Variants in CACNA2D1 observed in about 807,000 individuals in gnomAD.
The protein encoded by CACNA2D1 is calcium voltage-gated channel auxiliary subunit alpha2delta 1.
In CACNA2D1, 53 loss-of-function variants were observed where a neutral mutation model predicts 171.5. The observed-to-expected ratio is 0.31, with a 90% CI of 0.25 to 0.39. The LOEUF (loss-of-function observed/expected upper bound fraction) is 0.39. Among genes scored for constraint, CACNA2D1 ranks in the 10% least tolerant of loss-of-function variants. The pLI, the probability that CACNA2D1 is intolerant of heterozygous loss-of-function variation, is 1.00. For synonymous variants in CACNA2D1, 442 were observed against 443.1 expected (o/e 1.00, Z 0.03); for missense variants, 903 against 1,299.8 (o/e 0.69, Z 4.69).
At chr7:82,217,349 TAAA>T (rs139578464) in intron 3 of CACNA2D1, among the ~76,000 whole-genome samples, 10 of 122,624 alleles carry the variant, frequency 8.2e-5, no homozygotes, top group Admixed American at 2.5e-4. Context: ...CCTGCCTTTT[TAAA>T]AAAAAAATAT....
At chr7:82,183,817 A>T (rs1186218447) in intron 3 of CACNA2D1, among the ~76,000 whole-genome samples, 1 of 152,160 alleles carries the variant, frequency 6.6e-6, no homozygotes, top group Admixed American at 6.5e-5. Flanking sequence ...AGATTGTGTC[A>T]GATTCTATCT....
intron 1 of CACNA2D1, among the ~76,000 whole-genome samples, chr7:82,383,411 G>C (rs1823930247): frequency 6.6e-6 from 1 of 152,108 alleles, no homozygotes; most frequent in Non-Finnish European, 1.5e-5. Flanking sequence ...GCACTAAAGA[G>C]AAATAGAGCA....
chr7:82,280,917 A>G (rs1810010223), intron 3 of CACNA2D1, among the ~76,000 whole-genome samples: 1 of 152,172 alleles, frequency 6.6e-6, no homozygotes, highest in South Asian at 2.1e-4. Flanking sequence ...TAGGCTCCTG[A>G]TTTGGAATCC....
intron 1 of CACNA2D1, among the ~76,000 whole-genome samples, chr7:82,373,935 C>T (rs1024370121): frequency 6.6e-6 from 1 of 152,134 alleles, no homozygotes; most frequent in African/African-American, 2.4e-5. Flanking sequence ...TCAAACAATA[C>T]AATCAGGGCA....
intron 32 of CACNA2D1, 71 bp downstream of exon 32, chr7:81,965,523 A>G (rs1794627203): frequency 2.4e-6 from 2 of 825,884 alleles, no homozygotes; most frequent in Non-Finnish European, 2.2e-6. Flanking sequence ...AAACACTGAA[A>G]GAGGTTTTGT....
chr7:81,984,020 G>A (rs2130657283), intron 22 of CACNA2D1, among the ~76,000 whole-genome samples: 1 of 152,186 alleles, frequency 6.6e-6, no homozygotes, highest in South Asian at 2.1e-4. Flanking sequence ...ATAACTTGAA[G>A]TATGCACTAG....
intron 26 of CACNA2D1, chr7:81,971,083 A>G: frequency 3.9e-6 from 1 of 259,330 alleles, no homozygotes; most frequent in South Asian, 5.0e-5. Context: ...AACGTAAGAC[A>G]AAAGGAGAGA....
intron 17 of CACNA2D1, 95 bp from the exon 18 acceptor site, chr7:82,005,592 T>C (rs1799039828): frequency 1.1e-6 from 1 of 886,716 alleles, no homozygotes; most frequent in Admixed American, 2.1e-5. Context: ...ATACACATTG[T>C]ATAGCATGTT....
In CACNA2D1 at chr7:82,443,370, G is replaced by A. The variant is rs757219324; in HGVS notation, c.90C>T (p.Ala30=). The stretch of plus-strand genomic sequence containing the variant: ...TGCCCGGCCCGCCGACTTACGTGAC[G>A]GCCGAAGGGAACGGCTCCTCCGACG... ...GPSSEEPFPS[A]VTIKSWVDKM... is the part of the protein sequence containing the mutation. The change falls in exon 1 of 39, where the codon GCC becomes GCT. Residue 30 remains alanine, a synonymous_variant. Transcript: ENST00000356860. 1.2e-6 allele frequency: 2 copies of A among 1,601,868 alleles called. No individual in the cohort carries two copies. The highest frequency in any genetic ancestry group is 2.7e-5 in the African/African-American group (2 of 73,918).
At chr7:81,983,192 A>C in intron 23 of CACNA2D1, 122 bp downstream of exon 23, 1 of 818,918 alleles carries the variant, frequency 1.2e-6, no homozygotes, top group South Asian at 1.6e-5. Context: ...GTTTTGAGTG[A>C]TCATGAAGGA....
chr7:82,314,398 T>C (rs1317420094), intron 3 of CACNA2D1, among the ~76,000 whole-genome samples: 4 of 152,162 alleles, frequency 2.6e-5, no homozygotes, highest in Non-Finnish European at 4.4e-5. Flanking sequence ...AGAATATTGT[T>C]TTCATTCCAT....
chr7:82,136,801 A>G (rs1791674673), intron 4 of CACNA2D1, 125 bp from the exon 5 acceptor site: 1 of 710,218 alleles, frequency 1.4e-6, no homozygotes, highest in Non-Finnish European at 2.3e-6. Context: ...ATATTCCACA[A>G]TGATCCATAA....
intron 3 of CACNA2D1, among the ~76,000 whole-genome samples, chr7:82,304,522 C>CA (rs1813466513): frequency 1.3e-5 from 2 of 151,720 alleles, no homozygotes; most frequent in Admixed American, 6.6e-5. Context: ...TATTGGGCCA[C>CA]AAAAAAAGAA....
At chr7:82,361,795 T>G (rs918904974) in intron 1 of CACNA2D1, among the ~76,000 whole-genome samples, 1 of 152,182 alleles carries the variant, frequency 6.6e-6, no homozygotes, top group East Asian at 1.9e-4. Context: ...TAGTATCATA[T>G]AATTTGCTAA....
intron 24 of CACNA2D1, among the ~76,000 whole-genome samples, chr7:81,980,193 AAAAAAAAG>A: frequency 6.7e-6 from 1 of 148,494 alleles, no homozygotes; most frequent in Admixed American, 6.7e-5. Context: ...AAAAAAAAAA[AAAAAAAAG>A]AAAGTGCATT....
rs1804457078 is a variant in CACNA2D1, at chr7:82,045,539, A to AT, written c.880-7305dup. On this transcript the variant is annotated intron_variant, in intron 10 of 38. Coordinates refer to ENST00000356860, the MANE Select transcript of CACNA2D1 (RefSeq NM_000722.4). ...CCCAACACTATGAGGTGATAACAAA[A>AT]TTAGGCAATTTGTTTTTACAAATAG... Among the ~76,000 whole-genome samples the AT allele has an allele frequency of 2.6e-5, 4 of 152,196 alleles. No homozygotes were observed. The South Asian group carries it at 8.3e-4, about 31-fold the overall frequency.
At chr7:82,391,213 A>T (rs1825082863) in intron 1 of CACNA2D1, among the ~76,000 whole-genome samples, 1 of 152,236 alleles carries the variant, frequency 6.6e-6, no homozygotes, top group Admixed American at 6.5e-5. Context: ...AGGTGGGAAA[A>T]AAAAGCAAAT....
intron 10 of CACNA2D1, among the ~76,000 whole-genome samples, chr7:82,058,340 G>A (rs1298761869): frequency 6.6e-6 from 1 of 152,000 alleles, no homozygotes; most frequent in Non-Finnish European, 1.5e-5. Flanking sequence ...TCACCACATT[G>A]AATATCTGCT....
At chr7:81,997,465 A>G (rs1269722926) in intron 18 of CACNA2D1, among the ~76,000 whole-genome samples, 1 of 151,470 alleles carries the variant, frequency 6.6e-6, no homozygotes, top group Non-Finnish European at 1.5e-5. Context: ...CTTAATAAGC[A>G]AGTGAAGACA....
Sources: gnomAD v4.1 joint callset for allele counts (sites outside exome capture counted in the v4.1 genomes callset) on GRCh38, gnomAD v4.1.1 for gene constraint, MANE v1.5 for transcripts, NCBI Gene and HGNC (gene_info 2026-07-23, HGNC 2026-07-21) for gene names.